ATP2A3: variants seen among roughly 807,000 people sequenced by gnomAD.
ATP2A3 encodes sarcoplasmic/endoplasmic reticulum calcium ATPase 3.
Under a neutral mutation model 106.8 loss-of-function variants are expected in ATP2A3, and 61 were observed. The ratio of observed to expected loss-of-function variants is 0.57; its 90% confidence interval spans 0.46 to 0.71. The LOEUF is 0.71. ATP2A3 is among the 30% of genes least tolerant of loss of function. The pLI is 0.00. For synonymous variants in ATP2A3, 611 were observed against 609.3 expected, an observed-to-expected ratio of 1.00 and a Z score of -0.04; for missense variants, 1,201 against 1,423.5, an observed-to-expected ratio of 0.84 and a Z score of 2.52.
chr17:3,927,655 G>C (rs2144196567), intron 20 of ATP2A3: 1 of 985,344 alleles, frequency 1.0e-6, no homozygotes, highest in Non-Finnish European at 1.2e-6. Flanking sequence ...GCCTTGCTCA[G>C]CTCCCCCCAC....
At position 3,924,966 on chromosome 17, in the gene ATP2A3, G is replaced by T; in HGVS notation, c.*456C>A. The stretch of plus-strand genomic sequence containing the variant: ...TCCCAGACCAGGCACGAAGAGAGAG[G>T]TCAGAGCCGGTAAGAAGGACCCCCA... On this transcript the variant is annotated 3_prime_UTR_variant, in exon 21 of 21. Coordinates refer to ENST00000397041, the MANE Select transcript of ATP2A3 (RefSeq NM_005173.4). This position sits in a 1 kb window ranked among gnomAD's most constrained non-coding sequence, Gnocchi z 6.4. 2.5e-6 allele frequency: 1 copy of T among 393,388 alleles called. No homozygotes were observed. The highest frequency in any genetic ancestry group is 5.0e-6 in the Non-Finnish European group (1 of 199,134). 24.4% of individuals were successfully genotyped at this position (393,388 alleles called of 1,614,324 possible). A position where few individuals can be genotyped will look rare whatever the true frequency, so the allele number is the denominator to read the frequency against.
At chr17:3,927,568 A>G (rs1383025431) in intron 20 of ATP2A3, 3 of 985,274 alleles carry the variant, frequency 3.0e-6, no homozygotes, top group African/African-American at 3.5e-5. Flanking sequence ...TTGGGCCCCC[A>G]TGGATGGGAG....
Position 3,924,961 on chromosome 17 carries a change from G to C in ATP2A3, c.*461C>G. The stretch of plus-strand genomic sequence containing the variant: ...CCCAGTCCCAGACCAGGCACGAAGA[G>C]AGAGGTCAGAGCCGGTAAGAAGGAC... On this transcript the variant is annotated 3_prime_UTR_variant, in exon 21 of 21. Coordinates refer to ENST00000397041, the MANE Select transcript of ATP2A3 (RefSeq NM_005173.4). This position sits in a 1 kb window ranked among gnomAD's most constrained non-coding sequence, Gnocchi z 6.4. 2.5e-6 allele frequency: 1 copy of C among 406,042 alleles called. No homozygotes were observed. The highest frequency in any genetic ancestry group is 4.9e-6 in the Non-Finnish European group (1 of 204,240). 25.2% of individuals were successfully genotyped at this position (406,042 alleles called of 1,614,324 possible).
rs1321921272 is a variant in ATP2A3 at position 3,930,043 on chromosome 17, C to T, written c.2744+258G>A. Among the ~76,000 whole-genome samples the T allele has an allele frequency of 1.3e-5, 2 of 151,018 alleles. No homozygotes were observed. Among genetic ancestry groups the T allele is most frequent in the Non-Finnish European group, 2.9e-5 (2 of 67,808 alleles). On this transcript the variant is annotated intron_variant, in intron 18 of 20. Coordinates refer to ENST00000397041, the MANE Select transcript of ATP2A3 (RefSeq NM_005173.4). This position sits in a 1 kb window ranked among gnomAD's most constrained non-coding sequence, Gnocchi z 5.4. ...GACCCCAATCCTGGACCCCCTTGAA[C>T]CTCTGATCCCAATCCTGAACCCCCC...
rs1341446848 is a variant in ATP2A3, at chr17:3,923,927, G to C, written c.*1495C>G. On this transcript the variant is annotated 3_prime_UTR_variant, in exon 21 of 21. Transcript: ENST00000397041. The stretch of plus-strand genomic sequence containing the variant: ...TACCAAACAGCAGGTCAGCAGGTGG[G>C]TACAGGGCCCGCTCCTGCTAAGACC... 1 of 152,238 alleles carries C rather than the reference G, an allele frequency of 6.6e-6. No individual in the cohort carries two copies. Among genetic ancestry groups the C allele is most frequent in the African/African-American group, 2.4e-5 (1 of 41,428 alleles). The allele number at this position is 152,238 out of a possible 1,614,324, so 9.4% of individuals were successfully genotyped here.
chr17:3,941,252 C>A lies in ATP2A3; in HGVS notation c.1819G>T (p.Val607Leu), dbSNP rs1464798529. 6.2e-7 allele frequency: 1 copy of A among 1,613,938 alleles called. No homozygotes were observed. The highest frequency in any genetic ancestry group is 2.2e-5 in the East Asian group (1 of 44,888). ...VGMLDPPRPE[V>L]AACITRCYQA... ...TAGCAGCGTGTGATGCAGGCAGCCA[C>A]CTCAGGTCGCGGCGGGTCCAGCATG... is the stretch of plus-strand genomic sequence containing the variant. The change falls in exon 14 of 21, where the codon GTG (valine) becomes TTG (leucine). Residue 607 changes from valine to leucine, a missense_variant. By Grantham distance (32) the Val-to-Leu change is conservative (BLOSUM62 1). This residue lies in a region of ATP2A3 where 935 missense variants were observed against 1,176.7 expected (regional missense o/e 0.79). Transcript: ENST00000397041.
intron 1 of ATP2A3, among the ~76,000 whole-genome samples, chr17:3,960,061 G>A (rs934330532): frequency 6.6e-6 from 1 of 152,198 alleles, no homozygotes; most frequent in Non-Finnish European, 1.5e-5. Context: ...CTTCCAAAGG[G>A]CTGTGGGCAA....
chr17:3,942,756 C>A (rs1403564093), intron 11 of ATP2A3, 25 bp from the exon 12 acceptor site: 60 of 1,610,172 alleles, frequency 3.7e-5, no homozygotes, highest in Non-Finnish European at 5.0e-5. Context: ...CAGGTCAGGG[C>A]ATGAAGGACA....
At chr17:3,962,245 C>T (rs1370913793) in intron 1 of ATP2A3, among the ~76,000 whole-genome samples, 1 of 152,228 alleles carries the variant, frequency 6.6e-6, no homozygotes, top group Non-Finnish European at 1.5e-5. Flanking sequence ...AGCAGGTAAC[C>T]AGTGCCAGCT....
intron 7 of ATP2A3, 32 bp downstream of exon 7, chr17:3,950,479 G>C (rs1018845797): frequency 6.2e-7 from 1 of 1,600,092 alleles, no homozygotes; most frequent in Admixed American, 1.7e-5. Flanking sequence ...TTTTATCATT[G>C]TCTGGGCAAA....
chr17:3,935,104 C>G, intron 17 of ATP2A3, 88 bp downstream of exon 17: 1 of 1,359,030 alleles, frequency 7.4e-7, no homozygotes. Flanking sequence ...CACTGCAGGC[C>G]ACCCATGCGG....
At chr17:3,961,524 A>C (rs1597690515) in intron 1 of ATP2A3, among the ~76,000 whole-genome samples, 1 of 123,230 alleles carries the variant, frequency 8.1e-6, no homozygotes, top group Non-Finnish European at 1.7e-5. Context: ...GAGGGTGGGA[A>C]GGTGGGGGTG....
In ATP2A3 at chr17:3,924,646, C is replaced by A. The variant is rs536662009; in HGVS notation, c.*776G>T. On this transcript the variant is annotated 3_prime_UTR_variant, in exon 21 of 21. Transcript: ENST00000397041. The surrounding 1 kb of genome is among the most constrained non-coding windows in gnomAD (Gnocchi z 6.4). ...CGGCAGTGTGACTCTGAACATCTCC[C>A]GAGCTCAGGACGGGGAACCCTGAGT... is the stretch of plus-strand genomic sequence containing the variant. 4.9e-6 allele frequency: 2 copies of A among 410,404 alleles called. No individual in the cohort carries two copies. Among genetic ancestry groups the A allele is most frequent in the Non-Finnish European group, 4.9e-6 (1 of 203,938 alleles). The allele number at this position is 410,404 out of a possible 1,614,324, so 25.4% of individuals were successfully genotyped here.
At chr17:3,951,555 C>CCCCCCGG in intron 4 of ATP2A3, 26 bp downstream of exon 4, 1 of 1,413,334 alleles carries the variant, frequency 7.1e-7, no homozygotes, top group Non-Finnish European at 9.8e-7. Context: ...CGCCCCCCGC[C>CCCCCCGG]CGGTCCCACC....
chr17:3,945,401 T>A (rs998294492), intron 8 of ATP2A3: 14 of 409,242 alleles, frequency 3.4e-5, no homozygotes, highest in African/African-American at 2.5e-4. Context: ...TGGCAGATTC[T>A]TCAGTGCTCT....
chr17:3,928,840 C>A lies in ATP2A3; in HGVS notation c.2863-60G>T. 5 of 1,374,384 alleles carry A rather than the reference C, an allele frequency of 3.6e-6. No homozygotes were observed. Among genetic ancestry groups the A allele is most frequent in the Middle Eastern group, 1.8e-4 (1 of 5,642 alleles). 85.1% of individuals were successfully genotyped at this position (1,374,384 alleles called of 1,614,324 possible). ...AAGGACTGGCTGTCCCGTGCCCCAG[C>A]CATCTGCTGGCCTTATCCACCTGGG... On this transcript the variant is annotated intron_variant, in intron 19 of 20. Transcript: ENST00000397041. The surrounding 1 kb of genome is among the most constrained non-coding windows in gnomAD (Gnocchi z 6.1).
chr17:3,963,021 A>G (rs1597694993), intron 1 of ATP2A3, among the ~76,000 whole-genome samples: 1 of 152,246 alleles, frequency 6.6e-6, no homozygotes, highest in African/African-American at 2.4e-5. Flanking sequence ...TCAACTAAAT[A>G]TAGCAACTAA....
At position 3,953,316 on chromosome 17, in the gene ATP2A3, A is replaced by G. The variant is rs2054563102; in HGVS notation, c.219+31T>C. ...GGCTCTCCCTCCAGGGCTACCGACTACCACAGGATGGCTGGCAGGGCCCTA... is the reference window on the plus strand; with the variant it reads ...GGCTCTCCCTCCAGGGCTACCGACTGCCACAGGATGGCTGGCAGGGCCCTA... On this transcript the variant is annotated intron_variant, in intron 3 of 20. Transcript: ENST00000397041. This position sits in a 1 kb window ranked among gnomAD's most constrained non-coding sequence, Gnocchi z 5.1. The G allele has an allele frequency of 3.1e-6, 5 of 1,610,092 alleles. No homozygotes were observed. Among genetic ancestry groups the G allele is most frequent in the African/African-American group, 1.3e-5 (1 of 74,836 alleles).
rs2054211988 is a variant in ATP2A3, at chr17:3,947,934, A to G, written c.631-79T>C. 1 of 1,382,988 alleles carries G rather than the reference A, an allele frequency of 7.2e-7. No individual in the cohort carries two copies. Among genetic ancestry groups the G allele is most frequent in the South Asian group, 1.2e-5 (1 of 84,396 alleles). 85.7% of individuals were successfully genotyped at this position (1,382,988 alleles called of 1,614,324 possible). A position where few individuals can be genotyped will look rare whatever the true frequency, so the allele number is the denominator to read the frequency against. On this transcript the variant is annotated intron_variant, in intron 7 of 20. Transcript: ENST00000397041. The surrounding 1 kb of genome is among the most constrained non-coding windows in gnomAD (Gnocchi z 7.7). ...GGACCCCTGACTCCTTCAGGCCGGA[A>G]TAAGGCACTTATCCTTCTACCCGGC...
Sources: allele counts gnomAD v4.1 joint callset (sites outside exome capture counted in the v4.1 genomes callset), GRCh38; gene constraint gnomAD v4.1.1; regional missense constraint gnomAD v4.1.1; non-coding constraint Gnocchi (gnomAD v3.1); transcripts MANE v1.5; gene names NCBI Gene and HGNC (gene_info 2026-07-23, HGNC 2026-07-21).